TRARG1: variants seen among roughly 807,000 people sequenced by gnomAD.
TRARG1 encodes trafficking regulator of GLUT4 1.
Under a neutral mutation model 13.3 loss-of-function variants are expected in TRARG1, and 16 were observed. The ratio of observed to expected loss-of-function variants is 1.20; its 90% CI spans 0.81 to 1.83. The LOEUF (loss-of-function observed/expected upper bound fraction) is 1.83, where lower values mean the gene tolerates loss of function less well. TRARG1 is among the 40% of genes most tolerant of loss of function. TRARG1 has a pLI of 0.00. For missense variants in TRARG1, 250 were observed against 237.4 expected (o/e 1.05, Z -0.35); for synonymous variants, 113 against 106.2 (o/e 1.06, Z -0.39).
At chr17:1,291,704 C>G (rs12950978) in intron 1 of TRARG1, among the ~76,000 whole-genome samples, 49,025 of 151,970 alleles carry the variant, frequency 0.32, 8,714 homozygotes, top group African/African-American at 0.47. Context: ...AGAGTGCCAG[C>G]GTTGTTTATT....
chr17:1,286,599 G>GTGT (rs1446705536), intron 1 of TRARG1, among the ~76,000 whole-genome samples: 2 of 140,204 alleles, frequency 1.4e-5, no homozygotes, highest in Admixed American at 7.2e-5. Context: ...GGCCTGTGGG[G>GTGT]TGTTATTGGC....
At chr17:1,294,971 G>A (rs573626364) in intron 1 of TRARG1, among the ~76,000 whole-genome samples, 10 of 152,268 alleles carry the variant, frequency 6.6e-5, no homozygotes, top group Admixed American at 2.0e-4. Context: ...GGCATGAGCC[G>A]CTGCGCCCGG....
chr17:1,286,661 G>T, intron 1 of TRARG1, among the ~76,000 whole-genome samples: 1 of 109,090 alleles, frequency 9.2e-6, no homozygotes, highest in Non-Finnish European at 1.8e-5. Flanking sequence ...GTGGGGTGTT[G>T]TTATTGGCCT....
intron 1 of TRARG1, among the ~76,000 whole-genome samples, chr17:1,293,241 G>A (rs1468608570): frequency 8.8e-4 from 120 of 136,220 alleles, no homozygotes; most frequent in African/African-American, 2.6e-3. Context: ...CCGAGATTGC[G>A]CCACTGCACT....
chr17:1,285,790 A>T (rs1256074911), intron 1 of TRARG1, among the ~76,000 whole-genome samples: 1 of 150,118 alleles, frequency 6.7e-6, no homozygotes, highest in Non-Finnish European at 1.5e-5. Context: ...CATCAGAGAG[A>T]TGTGGGGGTC....
intron 1 of TRARG1, 31 bp downstream of exon 1, chr17:1,280,419 G>A (rs1165028941): frequency 6.5e-7 from 1 of 1,540,408 alleles, no homozygotes; most frequent in African/African-American, 1.4e-5. Flanking sequence ...CAGGGGCAGG[G>A]GCTGGGCCCA....
At chr17:1,284,050 G>A (rs1438543236) in intron 1 of TRARG1, among the ~76,000 whole-genome samples, 2 of 151,816 alleles carry the variant, frequency 1.3e-5, no homozygotes, top group African/African-American at 4.8e-5. Flanking sequence ...GGGAGGCGGA[G>A]CTTACAGTGA....
chr17:1,297,161 C>T (rs1013597349), intron 2 of TRARG1, among the ~76,000 whole-genome samples: 6 of 152,218 alleles, frequency 3.9e-5, no homozygotes, highest in South Asian at 2.1e-4. Context: ...GGACCTGTGA[C>T]GGGATTATCG....
intron 1 of TRARG1, among the ~76,000 whole-genome samples, chr17:1,286,298 C>T (rs958330800): frequency 9.9e-5 from 15 of 152,172 alleles, no homozygotes; most frequent in African/African-American, 3.4e-4. Flanking sequence ...GGCCAATGGC[C>T]CAAGGCCTCT....
intron 2 of TRARG1, 100 bp from the exon 3 acceptor site, chr17:1,298,151 A>G: frequency 6.8e-7 from 1 of 1,471,170 alleles, no homozygotes; most frequent in African/African-American, 1.4e-5. Flanking sequence ...CCCTATTACC[A>G]CTTCCCACTG....
At chr17:1,293,750 C>T (rs1452165418) in intron 1 of TRARG1, among the ~76,000 whole-genome samples, 2 of 151,988 alleles carry the variant, frequency 1.3e-5, no homozygotes, top group African/African-American at 2.4e-5. Context: ...CTGTCCCAGA[C>T]GGAGCTTGGA....
intron 1 of TRARG1, among the ~76,000 whole-genome samples, chr17:1,285,920 A>T (rs1006633221): frequency 6.6e-6 from 1 of 152,120 alleles, no homozygotes; most frequent in Admixed American, 6.5e-5. Flanking sequence ...AGAGAGTCTG[A>T]AGGAGGGAGC....
chr17:1,279,696 C>T lies in TRARG1; in HGVS notation c.-306C>T. 1 of 371,754 alleles carries T rather than the reference C, an allele frequency of 2.7e-6. No individual in the cohort carries two copies. Among genetic ancestry groups the T allele is most frequent in the East Asian group, 4.7e-5 (1 of 21,300 alleles). 23.0% of individuals were successfully genotyped at this position (371,754 alleles called of 1,614,324 possible). A position where few individuals can be genotyped will look rare whatever the true frequency, so the allele number is the denominator to read the frequency against. ...TCTCTGCTCTCTGAGCTTTCCGTTG[C>T]TTCCCTGCCCATCTGTGCTCTCAGC... On this transcript the variant is annotated 5_prime_UTR_variant, in exon 1 of 3. Transcript: ENST00000333813.
At chr17:1,282,065 T>TACACATATAC (rs1404741411) in intron 1 of TRARG1, among the ~76,000 whole-genome samples, 9,142 of 149,892 alleles carry the variant, frequency 0.061, 851 homozygotes, top group African/African-American at 0.2. Flanking sequence ...TGTACATGTA[T>TACACATATAC]ACACATATAT....
At position 1,280,242 on chromosome 17, in the gene TRARG1, G is replaced by A. The variant is rs1275487896; in HGVS notation, c.241G>A (p.Ala81Thr). The A allele has an allele frequency of 1.2e-6, 2 of 1,613,916 alleles. No individual in the cohort carries two copies. Among genetic ancestry groups the A allele is most frequent in the East Asian group, 2.2e-5 (1 of 44,884 alleles). ...CCCACTGCCTCGGTCCCCCTCCCGG[G>A]CCAGCTCAAGGAGGGCGTCCTCCAT... ...EAPLPRSPSRASSRRASSIAT... is the reference protein window; with the variant it reads ...EAPLPRSPSRTSSRRASSIAT... The change falls in exon 1 of 3, where the codon GCC (alanine) becomes ACC (threonine). Residue 81 changes from alanine to threonine, a missense_variant. Ala to Thr is a moderately conservative substitution (Grantham distance 58). Coordinates refer to ENST00000333813, the MANE Select transcript of TRARG1 (RefSeq NM_172367.3).
At chr17:1,296,901 T>G (rs1191517807) in intron 2 of TRARG1, among the ~76,000 whole-genome samples, 1 of 150,450 alleles carries the variant, frequency 6.6e-6, no homozygotes, top group East Asian at 2.0e-4. Flanking sequence ...AGCCTCGGCC[T>G]CCTAAAGTGC....
intron 1 of TRARG1, among the ~76,000 whole-genome samples, chr17:1,286,341 G>T (rs1448722069): frequency 6.6e-6 from 1 of 151,800 alleles, no homozygotes; most frequent in African/African-American, 2.4e-5. Context: ...GTGGGGTGTT[G>T]TTGGCCTGTG....
intron 1 of TRARG1, among the ~76,000 whole-genome samples, chr17:1,284,744 A>G (rs1161529550): frequency 2.6e-5 from 4 of 151,720 alleles, no homozygotes; most frequent in African/African-American, 7.3e-5. Flanking sequence ...GCAGTGGCGC[A>G]ATCTCAACTC....
intron 1 of TRARG1, among the ~76,000 whole-genome samples, chr17:1,284,901 C>G (rs866414163): frequency 6.6e-6 from 1 of 151,848 alleles, no homozygotes; most frequent in Admixed American, 6.6e-5. Context: ...AGGATGGTCT[C>G]GATCTCCTGA....
Sources: gnomAD v4.1 joint callset for allele counts (sites outside exome capture counted in the v4.1 genomes callset) on GRCh38, gnomAD v4.1.1 for gene constraint, MANE v1.5 for transcripts, NCBI Gene and HGNC (gene_info 2026-07-23, HGNC 2026-07-21) for gene names.